UBE2H: variants seen among roughly 807,000 people sequenced by gnomAD.
The protein encoded by UBE2H is ubiquitin conjugating enzyme E2 H.
In UBE2H, 3 loss-of-function variants were observed where a neutral mutation model predicts 29.0. That is an observed-to-expected ratio of 0.10 (90% CI 0.05 to 0.27). UBE2H has a LOEUF of 0.27. Ranked by LOEUF, UBE2H falls within the 10% of genes least tolerant of loss-of-function variation. UBE2H has a pLI of 1.00. For missense variants in UBE2H, 68 were observed against 228.2 expected (o/e 0.30, Z 4.52); for synonymous variants, 69 against 82.9 (o/e 0.83, Z 0.91).
rs760037245 is a variant in UBE2H, at chr7:129,857,574, T to C, written c.246-11A>G. ...CACACAGTTCCTGACCTGAAACAGA[T>C]GGAAAGAATGGCATGTTTTTAAAAA... On this transcript the variant is annotated splice_polypyrimidine_tract_variant and intron_variant, in intron 4 of 6. Transcript: ENST00000355621. 1 of 1,608,536 alleles carries C rather than the reference T, an allele frequency of 6.2e-7. No homozygotes were observed. Among genetic ancestry groups the C allele is most frequent in the Non-Finnish European group, 8.5e-7 (1 of 1,178,332 alleles).
At chr7:129,868,407 C>T (rs1447132566) in intron 3 of UBE2H, among the ~76,000 whole-genome samples, 2 of 148,714 alleles carry the variant, frequency 1.3e-5, no homozygotes, top group East Asian at 1.9e-4. Flanking sequence ...GGTGAAACCC[C>T]GTCTCTACTA....
intron 1 of UBE2H, among the ~76,000 whole-genome samples, chr7:129,935,414 GAAAAAAA>G (rs77698999): frequency 2.4e-5 from 2 of 81,998 alleles, no homozygotes; most frequent in African/African-American, 9.6e-5. Context: ...CTGTCTCAAA[GAAAAAAA>G]AAAAAAAAAC....
intron 1 of UBE2H, among the ~76,000 whole-genome samples, chr7:129,906,424 C>T (rs912348249): frequency 2.6e-5 from 4 of 151,940 alleles, no homozygotes; most frequent in Non-Finnish European, 5.9e-5. Context: ...AGGCTGGTCT[C>T]GAACTCCTGG....
intron 1 of UBE2H, among the ~76,000 whole-genome samples, 192 bp downstream of exon 1, chr7:129,952,311 G>C (rs1192930950): frequency 6.6e-6 from 1 of 152,154 alleles, no homozygotes; most frequent in Admixed American, 6.5e-5. Context: ...GGGTGCTGCG[G>C]AGAAAAGGCG....
chr7:129,922,964 T>C (rs553382204), intron 1 of UBE2H, among the ~76,000 whole-genome samples: 112 of 152,146 alleles, frequency 7.4e-4, no homozygotes, highest in Non-Finnish European at 1.4e-3. Flanking sequence ...TGCAGTGGCA[T>C]GATCTCGGCT....
intron 1 of UBE2H, among the ~76,000 whole-genome samples, chr7:129,933,207 T>G (rs1379117375): frequency 6.6e-6 from 1 of 152,136 alleles, no homozygotes; most frequent in African/African-American, 2.4e-5. Context: ...AGTTCTTAAG[T>G]CCTCTTTTGT....
intron 1 of UBE2H, among the ~76,000 whole-genome samples, chr7:129,896,963 T>C (rs910638494): frequency 1.3e-5 from 2 of 152,202 alleles, no homozygotes; most frequent in African/African-American, 4.8e-5. Context: ...CAAGCTGCGG[T>C]ACCCATTCAG....
At chr7:129,920,706 CA>C (rs35207398) in intron 1 of UBE2H, among the ~76,000 whole-genome samples, 1 of 150,960 alleles carries the variant, frequency 6.6e-6, no homozygotes, top group South Asian at 2.1e-4. Context: ...GTTATTACCT[CA>C]AAAAAAAGTT....
At chr7:129,847,985 G>C (rs1298367674) in intron 5 of UBE2H, among the ~76,000 whole-genome samples, 1 of 152,132 alleles carries the variant, frequency 6.6e-6, no homozygotes, top group Non-Finnish European at 1.5e-5. Flanking sequence ...TTCCAGCCCT[G>C]GATCAGGGCA....
chr7:129,936,009 C>T (rs1024044191), intron 1 of UBE2H, among the ~76,000 whole-genome samples: 3 of 152,134 alleles, frequency 2.0e-5, no homozygotes, highest in Non-Finnish European at 4.4e-5. Flanking sequence ...CCCTTATATT[C>T]GGAAAGCCAC....
At position 129,834,631 on chromosome 7, in the gene UBE2H, C is replaced by T. The variant is rs74895800; in HGVS notation, c.*306G>A. 1,975 of 203,380 alleles carry T rather than the reference C, an allele frequency of 9.7e-3. 22 individuals carry two copies. Among genetic ancestry groups the T allele is most frequent in the Non-Finnish European group, 0.014 (1,416 of 101,556 alleles). The allele number at this position is 203,380 out of a possible 1,614,324, so 12.6% of individuals were successfully genotyped here. On this transcript the variant is annotated 3_prime_UTR_variant, in exon 7 of 7. Coordinates refer to ENST00000355621, the MANE Select transcript of UBE2H (RefSeq NM_003344.4). ...TTTTACTCACATCTACCTATCAGAG[C>T]GGCTATTTCCTTCGACAGTTCAGTA...
Position 129,834,964 on chromosome 7 carries a change from T to C in UBE2H, c.525A>G (p.Glu175=). Residue 175 remains glutamate, a synonymous_variant, in exon 7 of 7, where the codon GAA becomes GAG. Transcript: ENST00000355621. ...ACAACTCCATATCCTGGGCCTCATC[T>C]TCGGAAAAGTCAGACATAGAGCTCT... The part of the protein sequence containing the change: ...SSESSMSDFS[E]DEAQDMEL 6.2e-7 allele frequency: 1 copy of C among 1,613,702 alleles called. No homozygotes were observed. The highest frequency in any genetic ancestry group is 8.5e-7 in the Non-Finnish European group (1 of 1,180,024).
intron 1 of UBE2H, among the ~76,000 whole-genome samples, chr7:129,899,079 T>TCAATATA (rs1289981967): frequency 6.6e-6 from 1 of 152,210 alleles, no homozygotes; most frequent in Admixed American, 6.5e-5. Flanking sequence ...TTGTATAATG[T>TCAATATA]CAATATACCA....
chr7:129,894,437 C>T (rs1806560473), intron 1 of UBE2H, among the ~76,000 whole-genome samples: 1 of 151,456 alleles, frequency 6.6e-6, no homozygotes, highest in African/African-American at 2.4e-5. Flanking sequence ...AAGACCTTGT[C>T]TCTAAATAAA....
At chr7:129,894,567 A>G (rs1330502774) in intron 1 of UBE2H, among the ~76,000 whole-genome samples, 2 of 145,748 alleles carry the variant, frequency 1.4e-5, no homozygotes, top group African/African-American at 2.6e-5. Flanking sequence ...GGCCCACTGC[A>G]ACCTCCACCT....
intron 5 of UBE2H, among the ~76,000 whole-genome samples, chr7:129,851,295 T>C (rs1805605000): frequency 1.3e-5 from 2 of 152,226 alleles, no homozygotes. Flanking sequence ...TCAAACCTTA[T>C]AACCCTGCTT....
intron 1 of UBE2H, among the ~76,000 whole-genome samples, chr7:129,882,208 G>T (rs1462884820): frequency 2.0e-5 from 3 of 152,152 alleles, no homozygotes; most frequent in Non-Finnish European, 4.4e-5. Flanking sequence ...TCTGTTCTAT[G>T]TATCTGCTTT....
intron 5 of UBE2H, among the ~76,000 whole-genome samples, chr7:129,853,651 T>C (rs1457231500): frequency 6.6e-6 from 1 of 152,196 alleles, no homozygotes; most frequent in African/African-American, 2.4e-5. Flanking sequence ...TTTTGAACTC[T>C]GAATAAACAA....
At chr7:129,918,208 T>C (rs75264052) in intron 1 of UBE2H, among the ~76,000 whole-genome samples, 9,473 of 152,228 alleles carry the variant, frequency 0.062, 367 homozygotes, top group Non-Finnish European at 0.091. Flanking sequence ...TATATATACA[T>C]GCACGCACAT....
Sources: allele counts gnomAD v4.1 joint callset (sites outside exome capture counted in the v4.1 genomes callset), GRCh38; gene constraint gnomAD v4.1.1; transcripts MANE v1.5; gene names NCBI Gene and HGNC (gene_info 2026-07-23, HGNC 2026-07-21).